RGS10: variants seen among roughly 807,000 people sequenced by gnomAD.
RGS10 encodes regulator of G protein signaling 10.
In RGS10, 11 loss-of-function variants were observed where a neutral mutation model predicts 23.5. That is an observed-to-expected ratio of 0.47 (90% CI 0.29 to 0.77). The LOEUF (loss-of-function observed/expected upper bound fraction) is 0.77. Ranked by LOEUF, RGS10 falls within the 30% of genes least tolerant of loss-of-function variation. The pLI, the probability that RGS10 is intolerant of heterozygous loss-of-function variation, is 0.08. For missense variants in RGS10, 180 were observed against 226.3 expected (o/e 0.80, Z 1.31); for synonymous variants, 77 against 83.2 (o/e 0.92, Z 0.41).
At chr10:119,537,054 C>T (rs1844394916) in intron 1 of RGS10, among the ~76,000 whole-genome samples, 1 of 152,080 alleles carries the variant, frequency 6.6e-6, no homozygotes, top group South Asian at 2.1e-4. Context: ...AAGCCAGGCA[C>T]CAGGCTAAGG....
intron 1 of RGS10, among the ~76,000 whole-genome samples, chr10:119,535,969 AAGT>A (rs1445575541): frequency 6.6e-6 from 1 of 152,222 alleles, no homozygotes; most frequent in Non-Finnish European, 1.5e-5. Flanking sequence ...ATTTTTTAAA[AAGT>A]CCTCCCAATT....
At chr10:119,502,681 G>A (rs1385116862) in intron 4 of RGS10, among the ~76,000 whole-genome samples, 1 of 152,176 alleles carries the variant, frequency 6.6e-6, no homozygotes, top group Admixed American at 6.5e-5. Flanking sequence ...CCGAGATCCC[G>A]AGATCCCAAG....
At chr10:119,504,200 G>A (rs1327388286) in intron 4 of RGS10, among the ~76,000 whole-genome samples, 1 of 152,174 alleles carries the variant, frequency 6.6e-6, no homozygotes, top group East Asian at 1.9e-4. Context: ...GTTGTTGTTT[G>A]CTTTTTTGAG....
At chr10:119,500,404 C>T (rs1355026871) in intron 4 of RGS10, 145 bp from the exon 5 acceptor site, 1 of 752,598 alleles carries the variant, frequency 1.3e-6, no homozygotes, top group Non-Finnish European at 2.0e-6. Context: ...AATAAGTCAT[C>T]TGCTAGACAA....
chr10:119,500,931 C>T (rs370150300), intron 4 of RGS10, among the ~76,000 whole-genome samples: 9 of 152,176 alleles, frequency 5.9e-5, no homozygotes, highest in African/African-American at 1.4e-4. Context: ...GTCAGGTGAG[C>T]GAAGAGGACA....
At chr10:119,536,417 C>A (rs746810326) in intron 1 of RGS10, 2 of 1,584,400 alleles carry the variant, frequency 1.3e-6, no homozygotes, top group Non-Finnish European at 1.7e-6. Flanking sequence ...AGGGCCAAGG[C>A]GACAGGCAAA....
At position 119,527,519 on chromosome 10, in the gene RGS10, G is replaced by T; in HGVS notation, c.50-95C>A. 2.2e-6 allele frequency: 2 copies of T among 900,382 alleles called. No individual in the cohort carries two copies. Among genetic ancestry groups the T allele is most frequent in the Non-Finnish European group, 1.8e-6 (1 of 546,752 alleles). The allele number at this position is 900,382 out of a possible 1,614,324, so 55.8% of individuals were successfully genotyped here. A position where few individuals can be genotyped will look rare whatever the true frequency, so the allele number is the denominator to read the frequency against. On this transcript the variant is annotated intron_variant, in intron 1 of 4. Transcript: ENST00000369103. This position sits in a 1 kb window ranked among gnomAD's most constrained non-coding sequence, Gnocchi z 4.2. The stretch of plus-strand genomic sequence containing the variant: ...GGTCAGCACTGCCGTCACCATCACG[G>T]CTGACATACACCGACTTATGCGTCA...
In RGS10 at chr10:119,536,415, G is replaced by A. The variant is rs191782282; in HGVS notation, c.49+6175C>T. 642 of 1,580,856 alleles carry A rather than the reference G, an allele frequency of 4.1e-4. 3 individuals carry two copies. In the African/African-American group the frequency reaches 7.8e-3, roughly 19 times the overall value. On this transcript the variant is annotated intron_variant, in intron 1 of 4. Coordinates refer to ENST00000369103, the MANE Select transcript of RGS10 (RefSeq NM_001005339.2). ...CAGCCCCTGCCCCGCCCAGGGCCAA[G>A]GCGACAGGCAAACTGCGGACATGGA...
rs755823945 is a variant in RGS10, at chr10:119,524,131, C to G, written c.255+1901G>C. ...CTTGCTCCCACGACACATGTGCTTC[C>G]CATCTCTACACTCATTGCACTTGCA... On this transcript the variant is annotated intron_variant, in intron 3 of 4. Transcript: ENST00000369103. The surrounding 1 kb of genome is among the most constrained non-coding windows in gnomAD (Gnocchi z 5.2). Among the ~76,000 whole-genome samples the G allele has an allele frequency of 1.3e-5, 2 of 152,200 alleles. No homozygotes were observed. Among genetic ancestry groups the G allele is most frequent in the Non-Finnish European group, 2.9e-5 (2 of 68,050 alleles).
chr10:119,508,111 C>T (rs553182745), intron 4 of RGS10, among the ~76,000 whole-genome samples: 1 of 152,252 alleles, frequency 6.6e-6, no homozygotes, highest in South Asian at 2.1e-4. Context: ...GATTTTCCTG[C>T]CTCAGCCTCC....
At chr10:119,529,642 G>A (rs758506134) in intron 1 of RGS10, among the ~76,000 whole-genome samples, 4 of 152,112 alleles carry the variant, frequency 2.6e-5, no homozygotes, top group Non-Finnish European at 5.9e-5. Context: ...CTCAACAAAT[G>A]TGAGCTCCTT....
chr10:119,519,947 G>T (rs73362859), intron 3 of RGS10, among the ~76,000 whole-genome samples: 4,588 of 152,292 alleles, frequency 0.03, 201 homozygotes, highest in African/African-American at 0.093. Context: ...ATGTGGGCAT[G>T]GACATCCCAC....
At chr10:119,534,105 A>C (rs576791376) in intron 1 of RGS10, among the ~76,000 whole-genome samples, 2 of 151,742 alleles carry the variant, frequency 1.3e-5, no homozygotes, top group South Asian at 4.2e-4. Flanking sequence ...AAATACAAAA[A>C]TTAGCCGGGT....
intron 4 of RGS10, among the ~76,000 whole-genome samples, chr10:119,505,893 C>A (rs1487728884): frequency 6.6e-6 from 1 of 152,192 alleles, no homozygotes; most frequent in African/African-American, 2.4e-5. Flanking sequence ...TTATTTTAAT[C>A]CAGCACAGGA....
intron 1 of RGS10, 137 bp downstream of exon 1, chr10:119,542,453 A>C: frequency 1.3e-4 from 76 of 591,176 alleles, no homozygotes; most frequent in Middle Eastern, 5.3e-4. Flanking sequence ...CCCAGCGGGG[A>C]GAGGTGGTGC....
At chr10:119,534,301 AAAT>A (rs148194751) in intron 1 of RGS10, among the ~76,000 whole-genome samples, 10,473 of 112,272 alleles carry the variant, frequency 0.093, 539 homozygotes, top group Non-Finnish European at 0.14. Context: ...ATAAATAAAT[AAAT>A]AAAAAAGGCC....
At chr10:119,516,787 G>A (rs756817505) in intron 3 of RGS10, among the ~76,000 whole-genome samples, 3 of 152,106 alleles carry the variant, frequency 2.0e-5, no homozygotes, top group African/African-American at 4.8e-5. Context: ...CAGGACAGGC[G>A]CCTCAGGGCG....
At chr10:119,520,103 AC>A (rs1452561681) in intron 3 of RGS10, among the ~76,000 whole-genome samples, 4 of 151,788 alleles carry the variant, frequency 2.6e-5, no homozygotes. Context: ...GCTCCTCTCC[AC>A]CCCGTCTTCT....
chr10:119,513,997 C>T (rs1844110773), intron 4 of RGS10, among the ~76,000 whole-genome samples: 1 of 152,218 alleles, frequency 6.6e-6, no homozygotes, highest in Non-Finnish European at 1.5e-5. Flanking sequence ...AATAATAACA[C>T]TCATTGGAGA....
Sources: allele counts gnomAD v4.1 joint callset (sites outside exome capture counted in the v4.1 genomes callset), GRCh38; gene constraint gnomAD v4.1.1; non-coding constraint Gnocchi (gnomAD v3.1); transcripts MANE v1.5; gene names NCBI Gene and HGNC (gene_info 2026-07-23, HGNC 2026-07-21).